The following PCMT1 variants were observed in gnomAD, a reference collection of about 807,000 sequenced individuals.
The protein encoded by PCMT1 is protein-L-isoaspartate(D-aspartate) O-methyltransferase.
A neutral mutation model predicts 29.2 loss-of-function variants in PCMT1; 9 were observed. The ratio of observed to expected loss-of-function variants is 0.31; its 90% CI spans 0.19 to 0.54. PCMT1 has a LOEUF of 0.54. PCMT1 is among the 20% of genes least tolerant of loss of function. PCMT1 has a pLI of 0.95. For synonymous variants in PCMT1, 98 were observed against 97.5 expected (o/e 1.00, Z -0.03); for missense variants, 184 against 282.2 (o/e 0.65, Z 2.49).
At chr6:149,767,156 G>A (rs1247111829) in intron 1 of PCMT1, among the ~76,000 whole-genome samples, 3 of 151,864 alleles carry the variant, frequency 2.0e-5, no homozygotes, top group Admixed American at 6.6e-5. Context: ...GCAGTGAGCC[G>A]AGATCACGCC....
At chr6:149,807,750 A>G (rs1043227832) in intron 7 of PCMT1, among the ~76,000 whole-genome samples, 41 of 152,194 alleles carry the variant, frequency 2.7e-4, no homozygotes, top group Admixed American at 2.4e-3. Context: ...GTTCAAGTTT[A>G]TTATTCCATA....
intron 7 of PCMT1, among the ~76,000 whole-genome samples, chr6:149,807,227 G>A (rs1224564459): frequency 6.6e-6 from 1 of 152,002 alleles, no homozygotes; most frequent in Non-Finnish European, 1.5e-5. Flanking sequence ...TAGAATCTGT[G>A]GAATTGTGTT....
intron 1 of PCMT1, among the ~76,000 whole-genome samples, chr6:149,753,015 A>G (rs1786383988): frequency 6.6e-6 from 1 of 152,194 alleles, no homozygotes; most frequent in Non-Finnish European, 1.5e-5. Flanking sequence ...GATTGGTAAG[A>G]GGAAATTAGA....
At chr6:149,753,294 G>C (rs1168297303) in intron 1 of PCMT1, among the ~76,000 whole-genome samples, 1 of 151,892 alleles carries the variant, frequency 6.6e-6, no homozygotes, top group Non-Finnish European at 1.5e-5. Flanking sequence ...GAAATGAAAA[G>C]GGGCCTGCTT....
intron 3 of PCMT1, among the ~76,000 whole-genome samples, chr6:149,784,576 C>T (rs917626852): frequency 5.3e-5 from 8 of 151,792 alleles, no homozygotes; most frequent in African/African-American, 1.7e-4. Flanking sequence ...ATCATCCTCT[C>T]ACCTCAGCCT....
intron 3 of PCMT1, among the ~76,000 whole-genome samples, chr6:149,774,431 G>C (rs1344522480): frequency 6.6e-6 from 1 of 150,840 alleles, no homozygotes; most frequent in Non-Finnish European, 1.5e-5. Context: ...AGTAGAGACG[G>C]GGCTTCACTA....
intron 1 of PCMT1, among the ~76,000 whole-genome samples, chr6:149,765,253 G>C (rs1007467136): frequency 9.4e-5 from 13 of 138,650 alleles, no homozygotes; most frequent in Admixed American, 3.6e-4. Flanking sequence ...CCAGCTACTC[G>C]GGAGGCTGAG....
chr6:149,794,511 G>A (rs540564680), intron 5 of PCMT1, among the ~76,000 whole-genome samples: 6 of 152,222 alleles, frequency 3.9e-5, no homozygotes, highest in East Asian at 1.9e-4. Context: ...CTAGCTACTC[G>A]GGAGGCTGAG....
At chr6:149,764,829 C>G (rs949474915) in intron 1 of PCMT1, among the ~76,000 whole-genome samples, 1 of 151,322 alleles carries the variant, frequency 6.6e-6, no homozygotes, top group African/African-American at 2.4e-5. Context: ...ATCACGAGAT[C>G]AGAAGATCGA....
At chr6:149,790,382 T>G (rs866693277) in intron 4 of PCMT1, among the ~76,000 whole-genome samples, 1 of 152,316 alleles carries the variant, frequency 6.6e-6, no homozygotes, top group East Asian at 1.9e-4. Context: ...GGCTTTACTT[T>G]CCTCCACATG....
chr6:149,794,668 C>A, intron 5 of PCMT1: 1 of 245,600 alleles, frequency 4.1e-6, no homozygotes, highest in Non-Finnish European at 7.0e-6. Flanking sequence ...GTAGCCACAG[C>A]CATCCCCTAG....
intron 3 of PCMT1, among the ~76,000 whole-genome samples, chr6:149,780,719 C>T (rs1442636331): frequency 3.3e-5 from 5 of 152,094 alleles, no homozygotes; most frequent in East Asian, 1.9e-4. Flanking sequence ...GAATAATATC[C>T]GATTGTATGG....
chr6:149,786,524 G>A lies in PCMT1; in HGVS notation c.193-3430G>A, dbSNP rs200879060. ...GGGCTCCTCACTTCTCAGACGGGGC[G>A]GCTGCCGGGCGGAGGGGCTCCTCAC... On this transcript the variant is annotated intron_variant, in intron 3 of 7. Transcript: ENST00000464889. Among the ~76,000 whole-genome samples, 1,058 of 119,268 alleles carry A rather than the reference G, an allele frequency of 8.9e-3. 95 individuals are homozygous for A. The East Asian group carries it at 0.16, about 18-fold the overall frequency. The allele number at this position is 119,268 out of a possible 152,430, so 78.2% of individuals were successfully genotyped here.
intron 3 of PCMT1, among the ~76,000 whole-genome samples, chr6:149,773,390 T>C (rs1216751276): frequency 2.4e-5 from 3 of 126,590 alleles, no homozygotes; most frequent in Non-Finnish European, 4.8e-5. Flanking sequence ...TGTTTTGTTT[T>C]GTTTTTGAGA....
At chr6:149,783,443 A>AT (rs1181663753) in intron 3 of PCMT1, among the ~76,000 whole-genome samples, 1 of 152,112 alleles carries the variant, frequency 6.6e-6, no homozygotes, top group Non-Finnish European at 1.5e-5. Context: ...CATGTTATTA[A>AT]TTATAAAGAA....
At chr6:149,778,970 A>C (rs1298832998) in intron 3 of PCMT1, among the ~76,000 whole-genome samples, 1 of 152,196 alleles carries the variant, frequency 6.6e-6, no homozygotes, top group Non-Finnish European at 1.5e-5. Context: ...AGGGGGAATT[A>C]ATGAATTTTA....
At chr6:149,794,706 G>T in intron 5 of PCMT1, 1 of 412,348 alleles carries the variant, frequency 2.4e-6, no homozygotes, top group South Asian at 1.8e-5. Flanking sequence ...GGAAGTGGAG[G>T]TGTTGCTTGC....
At chr6:149,800,816 T>TC (rs2115335929) in intron 6 of PCMT1, among the ~76,000 whole-genome samples, 1 of 152,166 alleles carries the variant, frequency 6.6e-6, no homozygotes, top group South Asian at 2.1e-4. Flanking sequence ...CTTCCTCTCC[T>TC]CCCCTCCTCC....
intron 1 of PCMT1, among the ~76,000 whole-genome samples, chr6:149,752,991 T>A (rs1786382567): frequency 6.6e-6 from 1 of 152,242 alleles, no homozygotes; most frequent in Non-Finnish European, 1.5e-5. Context: ...CAAATAGTTT[T>A]ATACTAGATT....
Sources: allele counts gnomAD v4.1 joint callset (sites outside exome capture counted in the v4.1 genomes callset), GRCh38; gene constraint gnomAD v4.1.1; transcripts MANE v1.5; gene names NCBI Gene and HGNC (gene_info 2026-07-23, HGNC 2026-07-21).